RNF182: variants seen among roughly 807,000 people sequenced by gnomAD.
The protein encoded by RNF182 is E3 ubiquitin-protein ligase RNF182.
RNF182 carries 15 observed loss-of-function variants against 14.4 expected under a neutral mutation model. The observed-to-expected ratio is 1.04, with a 90% CI of 0.70 to 1.60. The LOEUF (loss-of-function observed/expected upper bound fraction) is 1.60. Ranked by LOEUF, RNF182 falls within the 40% of genes most tolerant of loss-of-function variation. RNF182 has a pLI of 0.00. For synonymous variants in RNF182, 128 were observed against 122.9 expected (o/e 1.04, Z -0.27); for missense variants, 268 against 294.8 (o/e 0.91, Z 0.67).
In RNF182 at chr6:13,978,677, T is replaced by C. The variant is rs1333798067; in HGVS notation, c.*814T>C. 6.0e-6 allele frequency: 1 copy of C among 167,126 alleles called. No homozygotes were observed. The highest frequency in any genetic ancestry group is 2.4e-5 in the African/African-American group (1 of 41,474). The allele number at this position is 167,126 out of a possible 1,614,324, so 10.4% of individuals were successfully genotyped here. A position where few individuals can be genotyped will look rare whatever the true frequency, so the allele number is the denominator to read the frequency against. ...GTCTTTCCTTATAACATCTTAGTTT[T>C]GGTTTTTTTAAACCACATTGCCCAA... is the stretch of plus-strand genomic sequence containing the variant. On this transcript the variant is annotated 3_prime_UTR_variant, in exon 3 of 3. Transcript: ENST00000488300.
At position 13,977,196 on chromosome 6, in the gene RNF182, G is replaced by A. The variant is rs1431911959; in HGVS notation, c.77G>A (p.Arg26Gln). ...CTGGAGTGCAAAATCTGTTACAATC[G>A]ATACAATCTGAAACAGAGGAAACCC... The part of the protein sequence containing the change: ...DELECKICYN[R>Q]YNLKQRKPKV... The change falls in exon 3 of 3, where the codon CGA becomes CAA. Residue 26 changes from arginine to glutamine, a missense_variant. Physicochemically the swap from Arg to Gln is conservative, Grantham distance 43 (BLOSUM62 1). Coordinates refer to ENST00000488300, the MANE Select transcript of RNF182 (RefSeq NM_152737.4). 9 of 1,613,948 alleles carry A rather than the reference G, an allele frequency of 5.6e-6. No homozygotes were observed. Among genetic ancestry groups the A allele is most frequent in the African/African-American group, 4.0e-5 (3 of 74,910 alleles).
At chr6:13,967,431 TAAAC>T (rs1389946163) in intron 1 of RNF182, among the ~76,000 whole-genome samples, 2 of 152,206 alleles carry the variant, frequency 1.3e-5, no homozygotes, top group Non-Finnish European at 2.9e-5. Context: ...GACACTTAAA[TAAAC>T]CTCTCTCACT....
chr6:13,935,017 A>G (rs1759071935), intron 1 of RNF182, among the ~76,000 whole-genome samples: 1 of 152,224 alleles, frequency 6.6e-6, no homozygotes, highest in Non-Finnish European at 1.5e-5. Flanking sequence ...CTTGGGTTTT[A>G]TTCTATGTGG....
intron 1 of RNF182, among the ~76,000 whole-genome samples, chr6:13,932,443 G>A (rs1478592833): frequency 6.6e-6 from 1 of 152,044 alleles, no homozygotes; most frequent in African/African-American, 2.4e-5. Context: ...TAAATTATCA[G>A]TCTCATTTAT....
chr6:13,934,127 T>C (rs554546496), intron 1 of RNF182, among the ~76,000 whole-genome samples: 1 of 152,374 alleles, frequency 6.6e-6, no homozygotes, highest in East Asian at 1.9e-4. Flanking sequence ...TTTAAATTAA[T>C]TGAAATTAAA....
At chr6:13,966,345 TGAG>T (rs1419173664) in intron 1 of RNF182, among the ~76,000 whole-genome samples, 1 of 151,822 alleles carries the variant, frequency 6.6e-6, no homozygotes, top group African/African-American at 2.4e-5. Flanking sequence ...ATAAATCAAG[TGAG>T]GAGGAAAGAA....
intron 1 of RNF182, among the ~76,000 whole-genome samples, chr6:13,938,174 T>C (rs13213243): frequency 8.5e-6 from 1 of 117,848 alleles, no homozygotes; most frequent in Admixed American, 9.5e-5. Flanking sequence ...TAATTTTTTG[T>C]ATTTTTTTTT....
rs796835616 is a variant in RNF182, at chr6:13,967,009, G to A, written c.-366-7201G>A. On this transcript the variant is annotated intron_variant, in intron 1 of 2. Transcript: ENST00000488300. ...GCACCACCACGCCTGGCTAATTTTT[G>A]TATGTTTTTGTAGAGACAGAGCTTT... Among the ~76,000 whole-genome samples, 12 of 152,084 alleles carry A rather than the reference G, an allele frequency of 7.9e-5. No homozygotes were observed. The South Asian group carries it at 2.5e-3, about 32-fold the overall frequency.
chr6:13,975,762 T>G (rs1452107808), intron 2 of RNF182, among the ~76,000 whole-genome samples: 1 of 152,230 alleles, frequency 6.6e-6, no homozygotes, highest in African/African-American at 2.4e-5. Flanking sequence ...AGAACTGTTA[T>G]GACAGCTTTC....
intron 1 of RNF182, chr6:13,961,473 A>G (rs1179524002): frequency 6.6e-6 from 1 of 152,210 alleles, no homozygotes; most frequent in Non-Finnish European, 1.5e-5. Context: ...ATGTGCTTCC[A>G]TTGTAGACTG....
intron 1 of RNF182, among the ~76,000 whole-genome samples, chr6:13,956,017 C>T (rs997459936): frequency 6.6e-6 from 1 of 152,150 alleles, no homozygotes; most frequent in Non-Finnish European, 1.5e-5. Flanking sequence ...TTATTAGCTC[C>T]CACATATGAG....
Position 13,974,245 on chromosome 6 carries a change from G to A in RNF182, c.-331G>A, listed in dbSNP as rs558639937. On this transcript the variant is annotated 5_prime_UTR_variant, in exon 2 of 3. It removes an upstream start codon present in the reference 5' UTR. Coordinates refer to ENST00000488300, the MANE Select transcript of RNF182 (RefSeq NM_152737.4). ...TTGTGTTGGCTGCATTTCCAGGGATGCTACCAGAGCTCAAGGCTGTCACCT... is the reference window on the plus strand; with the variant it reads ...TTGTGTTGGCTGCATTTCCAGGGATACTACCAGAGCTCAAGGCTGTCACCT... 3 of 152,158 alleles carry A rather than the reference G, an allele frequency of 2.0e-5. No homozygotes were observed. In the South Asian group the frequency reaches 6.2e-4, roughly 32 times the overall value. The allele number at this position is 152,158 out of a possible 1,614,324, so 9.4% of individuals were successfully genotyped here.
At chr6:13,946,871 G>A (rs1326820911) in intron 1 of RNF182, among the ~76,000 whole-genome samples, 1 of 152,152 alleles carries the variant, frequency 6.6e-6, no homozygotes, top group Non-Finnish European at 1.5e-5. Flanking sequence ...AGAGTTGGGA[G>A]GAGTTTAGTC....
Position 13,977,187 on chromosome 6 carries a change from G to C in RNF182, c.68G>C (p.Cys23Ser), listed in dbSNP as rs1187808787. Residue 23 changes from cysteine (C) to serine (S), a missense_variant, in exon 3 of 3, where the codon TGT (cysteine) becomes TCT (serine). Transcript: ENST00000488300. ...TCTGATGAGCTGGAGTGCAAAATCT[G>C]TTACAATCGATACAATCTGAAACAG... ...QASDELECKI[C>S]YNRYNLKQRK... 1 of 1,614,156 alleles carries C rather than the reference G, an allele frequency of 6.2e-7. No homozygotes were observed. Among genetic ancestry groups the C allele is most frequent in the Non-Finnish European group, 8.5e-7 (1 of 1,180,016 alleles).
intron 1 of RNF182, among the ~76,000 whole-genome samples, chr6:13,945,148 G>A (rs1318344321): frequency 6.6e-6 from 1 of 152,158 alleles, no homozygotes; most frequent in Admixed American, 6.5e-5. Flanking sequence ...GAGCTGGAAG[G>A]TCTTTAGCCA....
intron 1 of RNF182, among the ~76,000 whole-genome samples, chr6:13,958,947 A>T (rs1036323179): frequency 6.6e-6 from 1 of 152,090 alleles, no homozygotes; most frequent in East Asian, 1.9e-4. Flanking sequence ...TTCCCTTGAG[A>T]GCTCATTGTT....
chr6:13,949,036 C>T (rs1245062011), intron 1 of RNF182: 5 of 590,028 alleles, frequency 8.5e-6, no homozygotes, highest in Admixed American at 5.6e-5. Flanking sequence ...TCAGTTTGAC[C>T]ATAAAGTAAG....
chr6:13,971,484 T>G (rs975297772), intron 1 of RNF182, among the ~76,000 whole-genome samples: 2 of 152,064 alleles, frequency 1.3e-5, no homozygotes, highest in Non-Finnish European at 2.9e-5. Context: ...ACTAATACAG[T>G]AAATTAGTAC....
In RNF182 at chr6:13,953,963, C is replaced by G. The variant is rs900769931; in HGVS notation, c.-366-20247C>G. 2.0e-5 allele frequency among the ~76,000 whole-genome samples: 3 copies of G among 152,164 alleles called. No homozygotes were observed. In the South Asian group the frequency reaches 6.2e-4, roughly 32 times the overall value. ...GGGAGAAACAAAGCATCCATGAGCA[C>G]AGATGTTGGAAAGTAGAGAGAAAGC... On this transcript the variant is annotated intron_variant, in intron 1 of 2. Coordinates refer to ENST00000488300, the MANE Select transcript of RNF182 (RefSeq NM_152737.4).
Sources: gnomAD v4.1 joint callset for allele counts (sites outside exome capture counted in the v4.1 genomes callset) on GRCh38, gnomAD v4.1.1 for gene constraint, MANE v1.5 for transcripts, NCBI Gene and HGNC (gene_info 2026-07-23, HGNC 2026-07-21) for gene names.